SBF2: variants seen among roughly 807,000 people sequenced by gnomAD.
The protein encoded by SBF2 is myotubularin-related protein 13.
A neutral mutation model predicts 225.2 loss-of-function variants in SBF2; 112 were observed. The observed-to-expected ratio is 0.50, with a 90% CI of 0.43 to 0.58. SBF2 has a LOEUF of 0.58. SBF2 is among the 20% of genes least tolerant of loss of function. SBF2 has a pLI of 0.00. For missense variants in SBF2, 1,996 were observed against 2,206.2 expected, an observed-to-expected ratio of 0.90 and a Z score of 1.91; for synonymous variants, 763 against 773.3, an observed-to-expected ratio of 0.99 and a Z score of 0.22.
chr11:9,926,252 G>T (rs1376315442), intron 16 of SBF2, among the ~76,000 whole-genome samples: 1 of 151,938 alleles, frequency 6.6e-6, no homozygotes, highest in African/African-American at 2.4e-5. Context: ...TCCTGTAGCT[G>T]TTAGAAACTT....
chr11:9,781,492 G>C lies in SBF2; in HGVS notation c.5451+15C>G. 1 of 1,614,132 alleles carries C rather than the reference G, an allele frequency of 6.2e-7. No homozygotes were observed. Among genetic ancestry groups the C allele is most frequent in the African/African-American group, 1.3e-5 (1 of 75,058 alleles). ...TGCAGACAGAGCCAGGAAAAGAGAA[G>C]TAAGATCAACTTACATCAAAGAAAG... On this transcript the variant is annotated intron_variant, in intron 39 of 39. Coordinates refer to ENST00000256190, the MANE Select transcript of SBF2 (RefSeq NM_030962.4).
At chr11:10,197,839 A>C (rs1004721481) in intron 1 of SBF2, among the ~76,000 whole-genome samples, 4 of 152,244 alleles carry the variant, frequency 2.6e-5, no homozygotes, top group African/African-American at 9.6e-5. Context: ...CATTTCAAGA[A>C]ACCATTTTCT....
At chr11:9,945,924 A>T (rs935290359) in intron 16 of SBF2, among the ~76,000 whole-genome samples, 2 of 149,082 alleles carry the variant, frequency 1.3e-5, no homozygotes, top group South Asian at 2.1e-4. Context: ...TTAAAAAGTT[A>T]AAAAAAAAAC....
rs374233126 is a variant in SBF2 at position 9,981,967 on chromosome 11, G to A, written c.1395+7530C>T. On this transcript the variant is annotated intron_variant, in intron 13 of 39. Transcript: ENST00000256190. ...TAGGACTCAAAACTTCACAGCAGAA[G>A]AAATAAGGAACACTCATTAGCCCAA... Among the ~76,000 whole-genome samples, 12 of 152,254 alleles carry A rather than the reference G, an allele frequency of 7.9e-5. No individual in the cohort carries two copies. In the South Asian group the frequency reaches 2.3e-3, roughly 29 times the overall value.
chr11:9,823,997 TAAGGA>T (rs1468318707), intron 28 of SBF2, among the ~76,000 whole-genome samples: 1 of 152,162 alleles, frequency 6.6e-6, no homozygotes, highest in Non-Finnish European at 1.5e-5. Flanking sequence ...AAAACTGTCA[TAAGGA>T]AACAAGCCAA....
intron 17 of SBF2, among the ~76,000 whole-genome samples, chr11:9,876,625 A>G (rs1273898927): frequency 1.3e-5 from 2 of 152,216 alleles, no homozygotes; most frequent in East Asian, 3.8e-4. Context: ...GTTCCCAGAA[A>G]GTGAATTGGC....
chr11:10,154,337 T>TA (rs1165149667), intron 2 of SBF2, among the ~76,000 whole-genome samples: 1 of 152,108 alleles, frequency 6.6e-6, no homozygotes, highest in Non-Finnish European at 1.5e-5. Flanking sequence ...CTTTTCTGTA[T>TA]TTTTTATTTT....
At chr11:9,930,973 A>C (rs1864453237) in intron 16 of SBF2, among the ~76,000 whole-genome samples, 2 of 152,264 alleles carry the variant, frequency 1.3e-5, no homozygotes, top group South Asian at 4.1e-4. Flanking sequence ...GGCTGGTCCC[A>C]TGTCCACAGA....
chr11:9,928,929 A>G (rs1286866341), intron 16 of SBF2: 4 of 413,980 alleles, frequency 9.7e-6, no homozygotes, highest in East Asian at 7.2e-5. Flanking sequence ...AATTCAAGCA[A>G]TTTTCTTGTT....
intron 1 of SBF2, among the ~76,000 whole-genome samples, chr11:10,282,381 A>C (rs901175479): frequency 6.6e-6 from 1 of 151,998 alleles, no homozygotes; most frequent in Non-Finnish European, 1.5e-5. Context: ...ATTTTTCTTC[A>C]TATTTGACAA....
intron 1 of SBF2, among the ~76,000 whole-genome samples, chr11:10,256,699 A>G (rs1230628508): frequency 6.6e-6 from 1 of 152,194 alleles, no homozygotes; most frequent in African/African-American, 2.4e-5. Flanking sequence ...GTATAGTCTC[A>G]TACTGTCACC....
intron 16 of SBF2, chr11:9,960,633 G>C (rs1866501265): frequency 1.3e-5 from 2 of 151,690 alleles, no homozygotes; most frequent in South Asian, 4.2e-4. Context: ...TTGTTTATAA[G>C]TGTGCCAATT....
Position 10,294,126 on chromosome 11 carries a change from C to T in SBF2, c.-57G>A, listed in dbSNP as rs1300885066. The T allele has an allele frequency of 5.6e-6, 7 of 1,255,646 alleles. No individual in the cohort carries two copies. The highest frequency in any genetic ancestry group is 7.1e-6 in the Non-Finnish European group (7 of 984,598). The allele number at this position is 1,255,646 out of a possible 1,614,324, so 77.8% of individuals were successfully genotyped here. Reference sequence around the variant, plus strand: ...CCCGTCGCCGCCCTCGCCGCCGCCGCCCACCCGGCCCGGGAGGGCTCAGCA... The same window carrying T: ...CCCGTCGCCGCCCTCGCCGCCGCCGTCCACCCGGCCCGGGAGGGCTCAGCA... On this transcript the variant is annotated 5_prime_UTR_variant, in exon 1 of 40. Coordinates refer to ENST00000256190, the MANE Select transcript of SBF2 (RefSeq NM_030962.4).
chr11:10,196,881 CAAAATGA>C (rs1357276049), intron 1 of SBF2, among the ~76,000 whole-genome samples: 2 of 87,620 alleles, frequency 2.3e-5, no homozygotes, highest in East Asian at 5.7e-4. Flanking sequence ...TTTTTTCCTA[CAAAATGA>C]ATACCACACT....
rs371432409 is a variant in SBF2, at chr11:9,993,027, A to C, written c.1130T>G (p.Ile377Arg). 1.7e-5 allele frequency: 27 copies of C among 1,612,576 alleles called. No homozygotes were observed. The highest frequency in any genetic ancestry group is 2.2e-5 in the Non-Finnish European group (26 of 1,179,568). Residue 377 changes from isoleucine to arginine, a missense_variant, in exon 11 of 40, where the codon ATA becomes AGA. Coordinates refer to ENST00000256190, the MANE Select transcript of SBF2 (RefSeq NM_030962.4). ...FQGYRSCLQL[I>R]RIHAEPVIHF... ...TATTACTGGCTCTGCATGAATTCTT[A>C]TAAGTTGCAGGCAGGATCTATATCC... is the stretch of plus-strand genomic sequence containing the variant.
At chr11:10,213,118 T>C (rs900835813) in intron 1 of SBF2, among the ~76,000 whole-genome samples, 1 of 152,192 alleles carries the variant, frequency 6.6e-6, no homozygotes, top group Non-Finnish European at 1.5e-5. Flanking sequence ...AAGCTCATTT[T>C]GTAGCAGCAT....
chr11:9,925,381 G>A (rs981388706), intron 16 of SBF2, among the ~76,000 whole-genome samples: 2 of 151,978 alleles, frequency 1.3e-5, no homozygotes, highest in Non-Finnish European at 2.9e-5. Flanking sequence ...GGCTTCAAGC[G>A]ATTTTCCTGC....
chr11:9,887,237 A>C (rs1006146856), intron 17 of SBF2, among the ~76,000 whole-genome samples: 3 of 151,790 alleles, frequency 2.0e-5, no homozygotes, highest in Non-Finnish European at 2.9e-5. Flanking sequence ...TTATTATAAA[A>C]ATAAATTTAA....
At chr11:10,279,405 C>G (rs1465465690) in intron 1 of SBF2, among the ~76,000 whole-genome samples, 2 of 137,434 alleles carry the variant, frequency 1.5e-5, no homozygotes, top group African/African-American at 5.3e-5. Context: ...AAGAGCGAGA[C>G]TCCATCTCAA....
Sources: gnomAD v4.1 joint callset for allele counts (sites outside exome capture counted in the v4.1 genomes callset) on GRCh38, gnomAD v4.1.1 for gene constraint, MANE v1.5 for transcripts, NCBI Gene and HGNC (gene_info 2026-07-23, HGNC 2026-07-21) for gene names.